Variants in DAOA observed in about 807,000 individuals in gnomAD.
DAOA encodes D-amino acid oxidase regulator.
Under a neutral mutation model 16.4 loss-of-function variants are expected in DAOA, and 15 were observed. The observed-to-expected ratio is 0.91, with a 90% CI of 0.61 to 1.41. The LOEUF is 1.41. DAOA is among the 40% of genes most tolerant of loss of function. The pLI is 0.00. For missense variants in DAOA, 230 were observed against 176.8 expected, an observed-to-expected ratio of 1.30 and a Z score of -1.71; for synonymous variants, 75 against 59.1, an observed-to-expected ratio of 1.27 and a Z score of -1.23.
intron 2 of DAOA, 55 bp downstream of exon 2, chr13:105,466,387 G>A: frequency 6.2e-7 from 1 of 1,612,558 alleles, no homozygotes; most frequent in East Asian, 2.2e-5. Flanking sequence ...TGTGACATTT[G>A]CATGGCAGCA....
intron 4 of DAOA, chr13:105,475,174 C>A: frequency 2.8e-6 from 1 of 362,838 alleles, no homozygotes; most frequent in Non-Finnish European, 3.8e-6. Flanking sequence ...TCTTAAACCA[C>A]ACTCTCATTT....
At chr13:105,473,594 C>T (rs988337173) in intron 4 of DAOA, among the ~76,000 whole-genome samples, 12 of 151,906 alleles carry the variant, frequency 7.9e-5, no homozygotes, top group Middle Eastern at 3.4e-3. Flanking sequence ...TAGTTTGCCA[C>T]GCAAAAAAAG....
chr13:105,479,345 T>C (rs1428490705), intron 4 of DAOA, among the ~76,000 whole-genome samples: 1 of 152,190 alleles, frequency 6.6e-6, no homozygotes, highest in Non-Finnish European at 1.5e-5. Flanking sequence ...ACACCTTTAT[T>C]GAAATTCTCT....
At chr13:105,466,954 C>A in intron 2 of DAOA, 99 bp from the exon 3 acceptor site, 3 of 1,407,190 alleles carry the variant, frequency 2.1e-6, no homozygotes, top group Admixed American at 2.7e-5. Context: ...AAGTGCTAAA[C>A]CATACATGTT....
intron 3 of DAOA, among the ~76,000 whole-genome samples, chr13:105,471,246 A>G (rs185887391): frequency 6.6e-6 from 1 of 152,236 alleles, no homozygotes; most frequent in Non-Finnish European, 1.5e-5. Flanking sequence ...TTTAAAATAC[A>G]GTTTGATAAT....
At chr13:105,488,539 C>G (rs749022746) in intron 4 of DAOA, among the ~76,000 whole-genome samples, 1 of 152,150 alleles carries the variant, frequency 6.6e-6, no homozygotes, top group Non-Finnish European at 1.5e-5. Flanking sequence ...ACGCAATTAT[C>G]TGTTTTGCTT....
chr13:105,487,511 C>T (rs979014912), intron 4 of DAOA, among the ~76,000 whole-genome samples: 2 of 151,558 alleles, frequency 1.3e-5, no homozygotes, highest in Non-Finnish European at 2.9e-5. Flanking sequence ...TCCCTGATAC[C>T]TTTTCCCTTT....
intron 4 of DAOA, among the ~76,000 whole-genome samples, chr13:105,481,620 A>C (rs2139193287): frequency 6.6e-6 from 1 of 152,112 alleles, no homozygotes; most frequent in South Asian, 2.1e-4. Flanking sequence ...CAGCATTCAA[A>C]CCCATCTGCT....
In DAOA at chr13:105,466,216, G is replaced by T; in HGVS notation, c.-73G>T. The T allele has an allele frequency of 6.2e-7, 1 of 1,608,128 alleles. No individual in the cohort carries two copies. Among genetic ancestry groups the T allele is most frequent in the Non-Finnish European group, 8.5e-7 (1 of 1,176,864 alleles). ...GTATATGATGATTCTGTTGGTCCAG[G>T]ATTTGGAAAGGGCATGGCAGGAGGT... On this transcript the variant is annotated splice_region_variant and 5_prime_UTR_variant, in exon 2 of 6. Coordinates refer to ENST00000375936, the MANE Select transcript of DAOA (RefSeq NM_172370.5).
At chr13:105,473,296 CTT>C (rs1303341278) in intron 4 of DAOA, among the ~76,000 whole-genome samples, 1 of 151,914 alleles carries the variant, frequency 6.6e-6, no homozygotes, top group Non-Finnish European at 1.5e-5. Context: ...TGCTATCTAT[CTT>C]TTTTTGCCTC....
chr13:105,479,794 T>C lies in DAOA; in HGVS notation c.281+7109T>C, dbSNP rs925796642. ...TTTGAGGGGACACCATTTAAACCAG[T>C]AGAGACTACTTTCGTGAATTTTAAG... On this transcript the variant is annotated intron_variant, in intron 4 of 5. Transcript: ENST00000375936. Among the ~76,000 whole-genome samples, 5 of 152,290 alleles carry C rather than the reference T, an allele frequency of 3.3e-5. No individual in the cohort carries two copies. The South Asian group carries it at 1.0e-3, about 32-fold the overall frequency.
rs373280562 is a variant in DAOA, at chr13:105,489,775, C to T, written c.282-126C>T. 11 of 1,597,290 alleles carry T rather than the reference C, an allele frequency of 6.9e-6. No homozygotes were observed. In the East Asian group the frequency reaches 1.1e-4, roughly 16 times the overall value. On this transcript the variant is annotated intron_variant, in intron 4 of 5. Coordinates refer to ENST00000375936, the MANE Select transcript of DAOA (RefSeq NM_172370.5). ...GGTCACACATTTGTATAACCCCTTA[C>T]CCTTGAATGTGGGCAGGAGCTGGGA...
chr13:105,480,545 T>C (rs1877655348), intron 4 of DAOA, among the ~76,000 whole-genome samples: 1 of 150,890 alleles, frequency 6.6e-6, no homozygotes, highest in South Asian at 2.1e-4. Context: ...GATAGATAGA[T>C]AGATAGATAG....
At chr13:105,488,728 C>A (rs1878307465) in intron 4 of DAOA, among the ~76,000 whole-genome samples, 1 of 152,158 alleles carries the variant, frequency 6.6e-6, no homozygotes, top group Non-Finnish European at 1.5e-5. Context: ...TATTCTCTAG[C>A]CTTCTAAAGG....
chr13:105,472,499 G>T, intron 3 of DAOA, 39 bp from the exon 4 acceptor site: 7 of 1,593,282 alleles, frequency 4.4e-6, no homozygotes, highest in Non-Finnish European at 6.0e-6. Flanking sequence ...ATGTGATAGA[G>T]TTAATATGTA....
intron 4 of DAOA, among the ~76,000 whole-genome samples, chr13:105,487,103 G>C (rs1392515243): frequency 6.6e-6 from 1 of 152,152 alleles, no homozygotes; most frequent in Non-Finnish European, 1.5e-5. Context: ...AGAGAGAACA[G>C]AGAACCCGTG....
At chr13:105,472,792 C>A in intron 4 of DAOA, 107 bp downstream of exon 4, 1 of 960,904 alleles carries the variant, frequency 1.0e-6, no homozygotes, top group Non-Finnish European at 1.5e-6. Flanking sequence ...GATTATACTT[C>A]ATGTTGAACT....
intron 4 of DAOA, among the ~76,000 whole-genome samples, chr13:105,481,404 A>G (rs1449257092): frequency 2.0e-5 from 3 of 152,128 alleles, no homozygotes; most frequent in African/African-American, 7.2e-5. Context: ...TCAAACCCCT[A>G]TAACTCCAGG....
intron 4 of DAOA, among the ~76,000 whole-genome samples, chr13:105,486,537 T>C (rs1374796273): frequency 1.3e-5 from 2 of 152,164 alleles, no homozygotes; most frequent in Non-Finnish European, 2.9e-5. Flanking sequence ...GAATAAGACG[T>C]AGTACAAAAT....
Sources: allele counts gnomAD v4.1 joint callset (sites outside exome capture counted in the v4.1 genomes callset), GRCh38; gene constraint gnomAD v4.1.1; transcripts MANE v1.5; gene names NCBI Gene and HGNC (gene_info 2026-07-23, HGNC 2026-07-21).